Variants in LIFR observed in about 807,000 individuals in gnomAD.
LIFR encodes the protein LIF receptor subunit alpha.
LIFR carries 84 observed loss-of-function variants against 122.2 expected under a neutral mutation model. The observed-to-expected ratio is 0.69, with a 90% CI of 0.58 to 0.82. The LOEUF (loss-of-function observed/expected upper bound fraction) is 0.82. Ranked by LOEUF, LIFR falls within the 40% of genes least tolerant of loss-of-function variation. LIFR has a pLI of 0.00. For missense variants in LIFR, 1,294 were observed against 1,311.6 expected, an observed-to-expected ratio of 0.99 and a Z score of 0.21; for synonymous variants, 422 against 434.7, an observed-to-expected ratio of 0.97 and a Z score of 0.36.
chr5:38,553,131 T>A (rs931297283), intron 1 of LIFR, among the ~76,000 whole-genome samples: 1 of 152,150 alleles, frequency 6.6e-6, no homozygotes, highest in Non-Finnish European at 1.5e-5. Flanking sequence ...TGGTCCTCTG[T>A]CCCTCAGGTA....
intron 16 of LIFR, among the ~76,000 whole-genome samples, chr5:38,488,241 T>C (rs1425829249): frequency 6.6e-6 from 1 of 152,152 alleles, no homozygotes; most frequent in Non-Finnish European, 1.5e-5. Context: ...AATGCAGAAC[T>C]TGGGGACCGA....
At chr5:38,506,193 TTACA>T in intron 8 of LIFR, 119 bp from the exon 9 acceptor site, 1 of 683,470 alleles carries the variant, frequency 1.5e-6, no homozygotes, top group Non-Finnish European at 2.5e-6. Flanking sequence ...TAGAAGCATA[TTACA>T]TACTCAGAGA....
Position 38,490,220 on chromosome 5 carries a change from G to A in LIFR, c.2137C>T (p.Arg713Cys), listed in dbSNP as rs776173910. 1.0e-5 allele frequency: 16 copies of A among 1,570,678 alleles called. No individual in the cohort carries two copies. The highest frequency in any genetic ancestry group is 3.4e-5 in the South Asian group (3 of 88,644). Residue 713 changes from arginine to cysteine, a missense_variant, in exon 15 of 20, where the codon CGC (arginine) becomes TGC (cysteine). Physicochemically the swap from Arg to Cys is radical, Grantham distance 180. Coordinates refer to ENST00000453190, the MANE Select transcript of LIFR (RefSeq NM_001127671.2). The stretch of plus-strand genomic sequence containing the variant: ...TCTTCTATATATCCAATCATGGAGC[G>A]TAATAATTGATATCCTTGATTTCTG... ...GCRNQGYQLL[R>C]SMIGYIEELA...
chr5:38,571,529 CAAAA>C (rs11297745), intron 1 of LIFR, among the ~76,000 whole-genome samples: 11 of 74,684 alleles, frequency 1.5e-4, no homozygotes, highest in African/African-American at 5.0e-4. Context: ...CATTCCAGCT[CAAAA>C]AAAAAAAAAA....
chr5:38,482,264 C>G, intron 19 of LIFR, 46 bp from the exon 20 acceptor site: 1 of 1,557,452 alleles, frequency 6.4e-7, no homozygotes, highest in Non-Finnish European at 8.7e-7. Flanking sequence ...CACTAAATGC[C>G]ATTGCAATGC....
At chr5:38,596,998 A>G (rs905036840), upstream of LIFR, among the ~76,000 whole-genome samples, 1 of 152,264 alleles carries the variant, frequency 6.6e-6, no homozygotes, top group Non-Finnish European at 1.5e-5. Flanking sequence ...TTTCTGGGAC[A>G]GGATGTCCCC....
At chr5:38,511,086 A>AC (rs1173376488) in intron 6 of LIFR, among the ~76,000 whole-genome samples, 2 of 152,102 alleles carry the variant, frequency 1.3e-5, no homozygotes, top group African/African-American at 4.8e-5. Context: ...AACAATCCAC[A>AC]CCCCCCAAAA....
In LIFR at chr5:38,506,526, A is replaced by G; in HGVS notation, c.1098T>C (p.Ala366=). The G allele has an allele frequency of 6.2e-7, 1 of 1,614,096 alleles. No individual in the cohort carries two copies. The highest frequency in any genetic ancestry group is 8.5e-7 in the Non-Finnish European group (1 of 1,179,988). ...ACCTTTCAACTAAAGTGTAGCTTGT[A>G]GCACGTGGGCCCACCAACGCTGTCA... is the stretch of plus-strand genomic sequence containing the variant. The part of the protein sequence containing the change: ...GRVTALVGPR[A]TSYTLVESFS... The change falls in exon 8 of 20, where the codon GCT becomes GCC. Residue 366 remains alanine, a synonymous_variant. Coordinates refer to ENST00000453190, the MANE Select transcript of LIFR (RefSeq NM_001127671.2).
In LIFR at chr5:38,604,980, G is replaced by A. The variant is rs540693317; in HGVS notation, n.305+1225C>T. On this transcript the variant is annotated intron_variant and non_coding_transcript_variant, in intron 2 of 3. Transcript: ENST00000507786. ...TGATTGGTTGAAAGAGTTACTCTCA[G>A]TATTATTATCAGTAGAAAGGAATGT... Among the ~76,000 whole-genome samples the A allele has an allele frequency of 1.4e-3, 220 of 152,256 alleles. 1 individual carries two copies. Among genetic ancestry groups the A allele is most frequent in the Middle Eastern group, 6.8e-3 (2 of 294 alleles).
chr5:38,567,930 C>G (rs1316975973), intron 1 of LIFR, among the ~76,000 whole-genome samples: 1 of 152,176 alleles, frequency 6.6e-6, no homozygotes, highest in African/African-American at 2.4e-5. Flanking sequence ...CTCACAGAGA[C>G]TGGGTACTAT....
intron 11 of LIFR, 100 bp from the exon 12 acceptor site, chr5:38,499,683 G>T: frequency 1.2e-6 from 1 of 851,168 alleles, no homozygotes; most frequent in Non-Finnish European, 2.0e-6. Flanking sequence ...TCAATAAAAC[G>T]TGAAGCAGTT....
intron 2 of LIFR, among the ~76,000 whole-genome samples, chr5:38,529,170 GGAGT>G (rs1182665783): frequency 6.6e-6 from 1 of 151,930 alleles, no homozygotes; most frequent in African/African-American, 2.4e-5. Flanking sequence ...ACAAATTAAG[GGAGT>G]GAGTGGCTAG....
At chr5:38,507,223 A>C (rs1745534959) in intron 7 of LIFR, among the ~76,000 whole-genome samples, 1 of 151,988 alleles carries the variant, frequency 6.6e-6, no homozygotes, top group Admixed American at 6.6e-5. Context: ...GCAGGACTAG[A>C]AAAATTAAAA....
intron 17 of LIFR, among the ~76,000 whole-genome samples, chr5:38,485,385 T>TAAGAGAA (rs1744230454): frequency 6.6e-6 from 1 of 152,214 alleles, no homozygotes; most frequent in Non-Finnish European, 1.5e-5. Flanking sequence ...AGTGAAGTTC[T>TAAGAGAA]TTACCGCAGA....
chr5:38,518,767 C>T (rs1357265282), intron 5 of LIFR, among the ~76,000 whole-genome samples: 1 of 152,142 alleles, frequency 6.6e-6, no homozygotes, highest in East Asian at 1.9e-4. Context: ...CAGCCTCAGG[C>T]AGGTCCTTCA....
chr5:38,574,449 C>G (rs993747671), intron 1 of LIFR, among the ~76,000 whole-genome samples: 6 of 152,132 alleles, frequency 3.9e-5, no homozygotes, highest in Non-Finnish European at 8.8e-5. Flanking sequence ...GTATTCCTTC[C>G]CAGTAAAATC....
chr5:38,506,500 T>A lies in LIFR; in HGVS notation c.1121+3A>T. 6.2e-7 allele frequency: 1 copy of A among 1,614,114 alleles called. No homozygotes were observed. Among genetic ancestry groups the A allele is most frequent in the South Asian group, 1.1e-5 (1 of 91,076 alleles). ...TCTGACATCTTTTCCCAGTTATCAT[T>A]ACCTTTCAACTAAAGTGTAGCTTGT... On this transcript the variant is annotated splice_donor_region_variant and intron_variant, in intron 8 of 19. Transcript: ENST00000453190.
At chr5:38,561,299 GA>G (rs1748829497), upstream of LIFR, among the ~76,000 whole-genome samples, 1 of 152,154 alleles carries the variant, frequency 6.6e-6, no homozygotes, top group African/African-American at 2.4e-5. Flanking sequence ...TGCTATTGTT[GA>G]AAGTAAGTAG....
intron 1 of LIFR, among the ~76,000 whole-genome samples, chr5:38,534,544 T>A (rs1174182853): frequency 1.3e-5 from 2 of 152,120 alleles, no homozygotes; most frequent in Admixed American, 6.5e-5. Context: ...ATAGGTCTAG[T>A]CCTAGCAAAA....
Sources: allele counts gnomAD v4.1 joint callset (sites outside exome capture counted in the v4.1 genomes callset), GRCh38; gene constraint gnomAD v4.1.1; transcripts MANE v1.5; gene names NCBI Gene and HGNC (gene_info 2026-07-23, HGNC 2026-07-21).